The following MYOM3 variants were observed in gnomAD, a reference collection of about 807,000 sequenced individuals.
MYOM3 encodes myomesin-3.
Under a neutral mutation model 191.7 loss-of-function variants are expected in MYOM3, and 155 were observed. The ratio of observed to expected loss-of-function variants is 0.81; its 90% confidence interval spans 0.71 to 0.92. MYOM3 has a LOEUF of 0.92. MYOM3 is among the 40% of genes least tolerant of loss of function. MYOM3 has a pLI of 0.00. For synonymous variants in MYOM3, 757 were observed against 762.9 expected (o/e 0.99, Z 0.13); for missense variants, 1,889 against 1,890.6 (o/e 1.00, Z 0.02).
Position 24,099,673 on chromosome 1 carries a change from G to A in MYOM3, c.656+7C>T, listed in dbSNP as rs1219290803. 1.9e-6 allele frequency: 3 copies of A among 1,610,974 alleles called. No homozygotes were observed. Among genetic ancestry groups the A allele is most frequent in the Non-Finnish European group, 1.7e-6 (2 of 1,177,288 alleles). On this transcript the variant is annotated splice_region_variant and intron_variant, in intron 6 of 36. Coordinates refer to ENST00000374434, the MANE Select transcript of MYOM3 (RefSeq NM_152372.4). The stretch of plus-strand genomic sequence containing the variant: ...GGTCATAGGTCTCTCCAGGTCTCCA[G>A]TCTCACCTCCTAATCTCCAGGGACA...
rs753559533 is a variant in MYOM3 at position 24,092,977 on chromosome 1, G to A, written c.1060C>T (p.Arg354Trp). 5.6e-6 allele frequency: 9 copies of A among 1,604,624 alleles called. No individual in the cohort carries two copies. The highest frequency in any genetic ancestry group is 3.3e-5 in the South Asian group (3 of 89,644). Residue 354 changes from arginine to tryptophan, a missense_variant, in exon 10 of 37, where the codon CGG becomes TGG. By Grantham distance (101) the Arg-to-Trp change is moderately radical (BLOSUM62 -3). Transcript: ENST00000374434. ...ACAAGCACGTAGGTGCTCTGTTCCCGGGGTCCGAAGGGCGAGGGCACCCGG... is the reference window on the plus strand; with the variant it reads ...ACAAGCACGTAGGTGCTCTGTTCCCAGGGTCCGAAGGGCGAGGGCACCCGG... The part of the protein sequence containing the change: ...MVRVPSPFGP[R>W]EQSTYVLVRD...
At chr1:24,068,139 C>T (rs534090675) in intron 26 of MYOM3, 84 bp downstream of exon 26, 29 of 1,405,770 alleles carry the variant, frequency 2.1e-5, no homozygotes, top group Middle Eastern at 4.2e-4. Context: ...GCTGCAGAGC[C>T]GAGGACTCAG....
chr1:24,095,327 G>A (rs977271871), intron 8 of MYOM3, 115 bp downstream of exon 8: 21 of 1,041,454 alleles, frequency 2.0e-5, no homozygotes, highest in Non-Finnish European at 2.4e-5. Context: ...GACAAACCCC[G>A]GTGGACGTCC....
At chr1:24,108,420 A>C (rs896021380) in intron 2 of MYOM3, 56 bp downstream of exon 2, 2 of 1,454,468 alleles carry the variant, frequency 1.4e-6, no homozygotes, top group East Asian at 2.5e-5. Context: ...CTCCCTCCTC[A>C]GACTGGGGGC....
intron 23 of MYOM3, among the ~76,000 whole-genome samples, chr1:24,072,996 C>A (rs922946349): frequency 6.6e-6 from 1 of 152,184 alleles, no homozygotes; most frequent in East Asian, 1.9e-4. Flanking sequence ...GAATCCTTAA[C>A]ACTATGAGTC....
intron 27 of MYOM3, among the ~76,000 whole-genome samples, chr1:24,067,404 TTCCTTCCTTCCTTCCTTCC>T (rs1166318477): frequency 9.2e-5 from 7 of 76,174 alleles, no homozygotes; most frequent in African/African-American, 5.0e-4. Flanking sequence ...CCTTCCTTCC[TTCCTTCCTTCCTTCCTTCC>T]TTCCTTCCTT....
intron 1 of MYOM3, among the ~76,000 whole-genome samples, chr1:24,110,672 C>T (rs918093788): frequency 6.6e-6 from 1 of 152,134 alleles, no homozygotes; most frequent in African/African-American, 2.4e-5. Flanking sequence ...GGGCTGCCCC[C>T]TAAAGCTCCC....
chr1:24,105,889 C>G, intron 5 of MYOM3, 31 bp downstream of exon 5: 2 of 1,578,206 alleles, frequency 1.3e-6, no homozygotes, highest in Non-Finnish European at 1.7e-6. Context: ...ACCCCAGAGG[C>G]CCAGAACCCC....
chr1:24,073,811 C>T (rs570119557), intron 23 of MYOM3, among the ~76,000 whole-genome samples: 9 of 143,376 alleles, frequency 6.3e-5, no homozygotes, highest in African/African-American at 2.1e-4. Flanking sequence ...TGCAGTGAGC[C>T]GAGATCGTGC....
intron 35 of MYOM3, among the ~76,000 whole-genome samples, chr1:24,060,456 T>C (rs935268337): frequency 6.6e-6 from 1 of 152,204 alleles, no homozygotes; most frequent in Non-Finnish European, 1.5e-5. Flanking sequence ...GCTGTCTCCT[T>C]CTATGGCCAC....
In MYOM3 at chr1:24,080,120, T is replaced by C. The variant is rs779858144; in HGVS notation, c.2482A>G (p.Met828Val). Residue 828 changes from methionine to valine, a missense_variant, in exon 20 of 37, where the codon ATG (methionine) becomes GTG (valine). Physicochemically the swap from Met to Val is conservative, Grantham distance 21. Transcript: ENST00000374434. ...TAGCCTGTGACAGGCCCAGCCCCCA[T>C]ATACAGTGGGGGTTCCCACTGCAGC... The part of the protein sequence containing the change: ...LVLQWEPPLY[M>V]GAGPVTGYHV... 1.2e-6 allele frequency: 2 copies of C among 1,613,728 alleles called. No homozygotes were observed. The highest frequency in any genetic ancestry group is 2.2e-5 in the East Asian group (1 of 44,870).
intron 5 of MYOM3, among the ~76,000 whole-genome samples, chr1:24,105,452 T>C (rs1016719510): frequency 1.1e-4 from 16 of 152,222 alleles, no homozygotes; most frequent in Non-Finnish European, 2.4e-4. Context: ...TTGGCCCCTG[T>C]CCTGCCTCTC....
At chr1:24,064,298 C>T (rs1643409261) in intron 29 of MYOM3, 139 bp from the exon 30 acceptor site, 1 of 612,684 alleles carries the variant, frequency 1.6e-6, no homozygotes, top group East Asian at 3.0e-5. Flanking sequence ...CTCCCTGGGC[C>T]TCCATTTACT....
Position 24,086,663 on chromosome 1 carries a change from G to T in MYOM3, c.1779C>A (p.Ile593=), listed in dbSNP as rs781421106. ...LSDPSEPSEP[I]ALRGPPATLP... ...GGGTACCTGGCGGGCCCCGCAAGGC[G>T]ATGGGTTCGCTGGGCTCCGAGGGAT... Residue 593 remains isoleucine (I), a synonymous_variant, in exon 15 of 37, where the codon ATC becomes ATA. Transcript: ENST00000374434. The T allele has an allele frequency of 5.6e-6, 9 of 1,613,974 alleles. No individual in the cohort carries two copies. The South Asian group carries it at 6.6e-5, about 12-fold the overall frequency.
intron 5 of MYOM3, among the ~76,000 whole-genome samples, chr1:24,105,250 C>G (rs1167083660): frequency 6.6e-6 from 1 of 152,242 alleles, no homozygotes; most frequent in Non-Finnish European, 1.5e-5. Flanking sequence ...GGTCTTCAAT[C>G]CACTCTTCAG....
At chr1:24,060,517 C>T (rs1199026670) in intron 35 of MYOM3, among the ~76,000 whole-genome samples, 1 of 152,194 alleles carries the variant, frequency 6.6e-6, no homozygotes, top group Non-Finnish European at 1.5e-5. Context: ...AATCCTTACT[C>T]CTCATCTGCT....
intron 13 of MYOM3, 130 bp from the exon 14 acceptor site, chr1:24,089,795 G>C (rs1327650200): frequency 2.6e-6 from 3 of 1,160,902 alleles, no homozygotes; most frequent in East Asian, 2.6e-5. Flanking sequence ...GTTGGCTCCA[G>C]GTCACTCAGC....
intron 5 of MYOM3, 34 bp downstream of exon 5, chr1:24,105,886 A>C: frequency 6.4e-7 from 1 of 1,565,298 alleles, no homozygotes; most frequent in East Asian, 2.3e-5. Context: ...GTGACCCCAG[A>C]GGCCCAGAAC....
chr1:24,082,196 G>C lies in MYOM3; in HGVS notation c.2093-8C>G. 1 of 1,596,600 alleles carries C rather than the reference G, an allele frequency of 6.3e-7. No individual in the cohort carries two copies. The highest frequency in any genetic ancestry group is 2.2e-5 in the East Asian group (1 of 44,594). ...ATGGGGCAGACGGGGTAGCTACAGG[G>C]AGGTAAGGAGGTGAGGACAGCTGCT... On this transcript the variant is annotated splice_region_variant and splice_polypyrimidine_tract_variant and intron_variant, in intron 17 of 36. Transcript: ENST00000374434.
Sources: allele counts gnomAD v4.1 joint callset (sites outside exome capture counted in the v4.1 genomes callset), GRCh38; gene constraint gnomAD v4.1.1; transcripts MANE v1.5; gene names NCBI Gene and HGNC (gene_info 2026-07-23, HGNC 2026-07-21).